The following MECOM variants were observed in gnomAD, a reference collection of about 807,000 sequenced individuals.
The protein encoded by MECOM is MDS1 and EVI1 complex locus.
MECOM carries 13 observed loss-of-function variants against 116.3 expected under a neutral mutation model. That is an observed-to-expected ratio of 0.11 (90% CI 0.07 to 0.18). MECOM has a LOEUF of 0.18. Ranked by LOEUF, MECOM falls within the 10% of genes least tolerant of loss-of-function variation. MECOM has a pLI of 1.00. For synonymous variants in MECOM, 528 were observed against 535.2 expected (o/e 0.99, Z 0.19); for missense variants, 1,299 against 1,509.0 (o/e 0.86, Z 2.31).
chr3:169,115,731 T>C lies in MECOM; in HGVS notation c.2141A>G (p.Asp714Gly). Residue 714 changes from aspartate to glycine, a missense_variant, in exon 8 of 17, where the codon GAC becomes GGC. Physicochemically the swap from Asp to Gly is moderately conservative, Grantham distance 94. This residue lies in a region of MECOM where 340 missense variants were observed against 312.6 expected (regional missense o/e 1.09). Coordinates refer to ENST00000651503, the MANE Select transcript of MECOM (RefSeq NM_004991.4). ...SQSMYPFPDR[D>G]LRSLPLKMEP... ...CATTTTCAAAGGTAACGATCTCAAG[T>C]CTCTATCAGGAAATGGGTACATTGA... is the stretch of plus-strand genomic sequence containing the variant. 6.2e-7 allele frequency: 1 copy of C among 1,614,044 alleles called. No individual in the cohort carries two copies.
At chr3:169,161,296 G>A (rs1029942707) in intron 2 of MECOM, among the ~76,000 whole-genome samples, 2 of 152,124 alleles carry the variant, frequency 1.3e-5, no homozygotes, top group Non-Finnish European at 2.9e-5. Context: ...CCTAATATAA[G>A]TGCTGGCAAT....
chr3:169,662,148 C>T (rs1776362021), intron 1 of MECOM, among the ~76,000 whole-genome samples: 1 of 152,246 alleles, frequency 6.6e-6, no homozygotes, highest in Non-Finnish European at 1.5e-5. Context: ...AACACTTTTG[C>T]TGTAAGAGTG....
At chr3:169,185,620 G>T (rs1025734282) in intron 2 of MECOM, among the ~76,000 whole-genome samples, 4 of 152,114 alleles carry the variant, frequency 2.6e-5, no homozygotes, top group Non-Finnish European at 5.9e-5. Flanking sequence ...TTCCTTGAAG[G>T]CTTCTTTTCT....
chr3:169,244,015 T>C (rs926434417), intron 2 of MECOM, among the ~76,000 whole-genome samples: 9 of 152,214 alleles, frequency 5.9e-5, no homozygotes, highest in African/African-American at 2.2e-4. Flanking sequence ...TTCATTATGA[T>C]GTGGGATATT....
chr3:169,388,197 T>G (rs1042447190), intron 1 of MECOM, among the ~76,000 whole-genome samples: 1 of 151,990 alleles, frequency 6.6e-6, no homozygotes, highest in East Asian at 1.9e-4. Context: ...CTGCTAACAG[T>G]GCGGCAGGGA....
intron 1 of MECOM, among the ~76,000 whole-genome samples, chr3:169,561,349 G>C (rs1197625986): frequency 6.6e-6 from 1 of 151,540 alleles, no homozygotes; most frequent in African/African-American, 2.4e-5. Context: ...CTAGCAATAG[G>C]GAAATAGATA....
intron 1 of MECOM, among the ~76,000 whole-genome samples, chr3:169,433,911 A>G (rs2108573015): frequency 6.6e-6 from 1 of 152,292 alleles, no homozygotes; most frequent in East Asian, 1.9e-4. Flanking sequence ...GAAAAATCCT[A>G]CTTCCAAGTT....
At chr3:169,337,216 T>G (rs1032061372) in intron 2 of MECOM, among the ~76,000 whole-genome samples, 1 of 152,112 alleles carries the variant, frequency 6.6e-6, no homozygotes, top group Non-Finnish European at 1.5e-5. Flanking sequence ...ACACCACCAT[T>G]GTTAACATTT....
intron 2 of MECOM, among the ~76,000 whole-genome samples, chr3:169,168,123 A>T (rs1157503867): frequency 6.6e-6 from 1 of 152,160 alleles, no homozygotes; most frequent in Non-Finnish European, 1.5e-5. Context: ...GACTTTTCAT[A>T]ATCAGTTTTA....
intron 2 of MECOM, among the ~76,000 whole-genome samples, chr3:169,258,239 A>G (rs932691604): frequency 5.9e-5 from 9 of 152,128 alleles, no homozygotes. Flanking sequence ...AAAAGAAAGA[A>G]AAAGAAAAAG....
intron 2 of MECOM, among the ~76,000 whole-genome samples, chr3:169,189,148 C>T (rs1464137): frequency 0.42 from 64,026 of 151,822 alleles, 15,499 homozygotes; most frequent in African/African-American, 0.67. Context: ...GAGAAATTGC[C>T]TTATAGATCA....
At chr3:169,262,428 A>G (rs1757681844) in intron 2 of MECOM, among the ~76,000 whole-genome samples, 1 of 152,214 alleles carries the variant, frequency 6.6e-6, no homozygotes. Flanking sequence ...TCAGATATCA[A>G]GAAAAAGTTG....
At position 169,183,757 on chromosome 3, in the gene MECOM, TACATACACACACACACACACACAC is replaced by T. The variant is rs1216765647; in HGVS notation, c.376-39949_376-39926del. 5.5e-3 allele frequency among the ~76,000 whole-genome samples: 466 copies of T among 84,576 alleles called. 4 individuals are homozygous for T. The highest frequency in any genetic ancestry group is 0.018 in the African/African-American group (431 of 24,584). The allele number at this position is 84,576 out of a possible 152,430, so 55.5% of individuals were successfully genotyped here. On this transcript the variant is annotated intron_variant, in intron 2 of 16. Coordinates refer to ENST00000651503, the MANE Select transcript of MECOM (RefSeq NM_004991.4). ...TACGTTAAGGACTGTAGAAGATACATACATACACACACACACACACACACACACACACACACACACACACACACA... is the reference window on the plus strand; with the variant it reads ...TACGTTAAGGACTGTAGAAGATACATACACACACACACACACACACACACA...
rs562414548 is a variant in MECOM, at chr3:169,366,535, C to T, written c.375+14652G>A. ...TTTATCCTAATTCATTAGTCAGAGT[C>T]TTTCCCTTAGGTGAGGCTTCCAGGA... On this transcript the variant is annotated intron_variant, in intron 2 of 16. Transcript: ENST00000651503. Among the ~76,000 whole-genome samples, 66 of 152,102 alleles carry T rather than the reference C, an allele frequency of 4.3e-4. 1 individual carries two copies. Among genetic ancestry groups the T allele is most frequent in the Admixed American group, 4.3e-3 (66 of 15,262 alleles).
chr3:169,097,855 T>C (rs1444860843), intron 12 of MECOM, among the ~76,000 whole-genome samples: 1 of 104,092 alleles, frequency 9.6e-6, no homozygotes, highest in Non-Finnish European at 2.0e-5. Flanking sequence ...GATTCCACTG[T>C]CAAGGAGCTT....
intron 2 of MECOM, among the ~76,000 whole-genome samples, chr3:169,356,535 C>CA (rs1258200168): frequency 2.0e-5 from 3 of 151,994 alleles, no homozygotes; most frequent in African/African-American, 7.2e-5. Flanking sequence ...GAACATAAGA[C>CA]AAAAAAGTGG....
intron 1 of MECOM, among the ~76,000 whole-genome samples, chr3:169,545,222 A>T (rs187536679): frequency 5.9e-5 from 9 of 152,196 alleles, no homozygotes; most frequent in African/African-American, 1.9e-4. Context: ...GTACCCCATG[A>T]CCAGTCAATA....
chr3:169,604,538 G>A (rs1293383049), intron 1 of MECOM, among the ~76,000 whole-genome samples: 6 of 152,322 alleles, frequency 3.9e-5, no homozygotes, highest in Middle Eastern at 3.4e-3. Flanking sequence ...CTGGAGGACT[G>A]GACTTGTGCA....
chr3:169,125,931 A>G (rs1732661001), intron 5 of MECOM, among the ~76,000 whole-genome samples: 1 of 152,102 alleles, frequency 6.6e-6, no homozygotes, highest in African/African-American at 2.4e-5. Context: ...TAAAGCATAA[A>G]GTGACAACAT....
Sources: allele counts gnomAD v4.1 joint callset (sites outside exome capture counted in the v4.1 genomes callset), GRCh38; gene constraint gnomAD v4.1.1; regional missense constraint gnomAD v4.1.1; transcripts MANE v1.5; gene names NCBI Gene and HGNC (gene_info 2026-07-23, HGNC 2026-07-21).